EXOC6B: variants seen among roughly 807,000 people sequenced by gnomAD.
EXOC6B encodes the protein SEC15 homolog B.
In EXOC6B, 54 loss-of-function variants were observed where a neutral mutation model predicts 113.5. The observed-to-expected ratio is 0.48, with a 90% CI of 0.38 to 0.60. The LOEUF (loss-of-function observed/expected upper bound fraction) is 0.60, where lower values mean the gene tolerates loss of function less well. Among genes scored for constraint, EXOC6B ranks in the 20% least tolerant of loss-of-function variants. The pLI, the probability that EXOC6B is intolerant of heterozygous loss-of-function variation, is 0.00. For missense variants in EXOC6B, 797 were observed against 977.5 expected (o/e 0.82, Z 2.46); for synonymous variants, 357 against 339.0 (o/e 1.05, Z -0.58).
chr2:72,600,055 T>A (rs572984285), intron 6 of EXOC6B, among the ~76,000 whole-genome samples: 1 of 152,166 alleles, frequency 6.6e-6, no homozygotes, highest in African/African-American at 2.4e-5. Flanking sequence ...CTAAAGTTTG[T>A]ATGGAAAGGC....
At chr2:72,239,016 A>T (rs1413323746) in intron 20 of EXOC6B, among the ~76,000 whole-genome samples, 1 of 152,060 alleles carries the variant, frequency 6.6e-6, no homozygotes, top group East Asian at 1.9e-4. Flanking sequence ...CTCCCACCTC[A>T]GCCTCCTGGG....
intron 18 of EXOC6B, among the ~76,000 whole-genome samples, chr2:72,400,620 A>T (rs1342933516): frequency 4.6e-5 from 7 of 151,994 alleles, no homozygotes; most frequent in Non-Finnish European, 1.0e-4. Flanking sequence ...CCCATTAAAA[A>T]ATCGGCAAAG....
intron 6 of EXOC6B, among the ~76,000 whole-genome samples, chr2:72,697,156 G>T (rs149962621): frequency 2.9e-3 from 278 of 97,512 alleles, no homozygotes; most frequent in African/African-American, 0.01. Context: ...ATAGATATGG[G>T]GTATACACAC....
intron 8 of EXOC6B, among the ~76,000 whole-genome samples, chr2:72,528,486 A>C (rs1164072014): frequency 2.6e-5 from 4 of 152,196 alleles, no homozygotes; most frequent in South Asian, 4.1e-4. Context: ...TCTCCAATTT[A>C]TTCTTCTTTT....
At chr2:72,467,092 T>A (rs1698103839) in intron 17 of EXOC6B, among the ~76,000 whole-genome samples, 1 of 152,206 alleles carries the variant, frequency 6.6e-6, no homozygotes, top group Admixed American at 6.5e-5. Flanking sequence ...ATATTCTTCT[T>A]TCTGTGCCTG....
intron 6 of EXOC6B, among the ~76,000 whole-genome samples, chr2:72,579,362 T>C (rs1481456349): frequency 6.6e-6 from 1 of 152,078 alleles, no homozygotes; most frequent in Non-Finnish European, 1.5e-5. Context: ...TCTTTCAGGA[T>C]AAGAAAAACA....
At chr2:72,394,800 G>A (rs1364922421) in intron 18 of EXOC6B, among the ~76,000 whole-genome samples, 1 of 152,086 alleles carries the variant, frequency 6.6e-6, no homozygotes, top group Admixed American at 6.6e-5. Flanking sequence ...ATTAGTTCCT[G>A]TTTTCTGACC....
intron 1 of EXOC6B, among the ~76,000 whole-genome samples, chr2:72,814,996 A>G (rs1300359489): frequency 6.6e-6 from 1 of 152,240 alleles, no homozygotes; most frequent in African/African-American, 2.4e-5. Flanking sequence ...GTCTCAAAAA[A>G]ATAAAATAAA....
At chr2:72,734,551 C>T (rs1277094341) in intron 2 of EXOC6B, among the ~76,000 whole-genome samples, 4 of 152,234 alleles carry the variant, frequency 2.6e-5, no homozygotes, top group East Asian at 3.9e-4. Context: ...TCAACTCTAC[C>T]TCTGTAGCAG....
intron 18 of EXOC6B, among the ~76,000 whole-genome samples, chr2:72,381,458 G>T (rs1423866292): frequency 1.3e-5 from 2 of 152,124 alleles, no homozygotes; most frequent in South Asian, 4.1e-4. Flanking sequence ...GCAAGAGCAT[G>T]ACTACAGTGT....
chr2:72,637,426 A>T (rs573580005), intron 6 of EXOC6B, among the ~76,000 whole-genome samples: 1 of 152,172 alleles, frequency 6.6e-6, no homozygotes, highest in African/African-American at 2.4e-5. Context: ...ACTTAAACAA[A>T]TTTACAAGAA....
In EXOC6B at chr2:72,379,728, C is replaced by T. The variant is rs769704938; in HGVS notation, c.2122+1G>A. 5 of 1,609,014 alleles carry T rather than the reference C, an allele frequency of 3.1e-6. No individual in the cohort carries two copies. In the African/African-American group the frequency reaches 6.7e-5, roughly 21 times the overall value. ...AAGCACAGGGATGGTCACTGTCTTACGTTCACATTCTCTGACGTCCAAGTT... is the reference window on the plus strand; with the variant it reads ...AAGCACAGGGATGGTCACTGTCTTATGTTCACATTCTCTGACGTCCAAGTT... On this transcript the variant is annotated splice_donor_variant, in intron 19 of 21. Transcript: ENST00000272427. LOFTEE classifies it high-confidence loss of function.
chr2:72,635,071 A>T (rs759662533), intron 6 of EXOC6B, among the ~76,000 whole-genome samples: 10 of 152,164 alleles, frequency 6.6e-5, no homozygotes, highest in Non-Finnish European at 1.2e-4. Flanking sequence ...TAATGCAAGG[A>T]GGAAATTTCT....
intron 1 of EXOC6B, among the ~76,000 whole-genome samples, chr2:72,766,306 G>T (rs1181583512): frequency 2.0e-5 from 3 of 152,100 alleles, no homozygotes; most frequent in African/African-American, 7.2e-5. Flanking sequence ...AGAGGGGAGG[G>T]ACCTTCACTT....
chr2:72,748,294 T>G (rs1456157430), intron 1 of EXOC6B, among the ~76,000 whole-genome samples: 1 of 152,066 alleles, frequency 6.6e-6, no homozygotes, highest in Non-Finnish European at 1.5e-5. Context: ...TTTCTTCTCA[T>G]TAAGCTCCAT....
chr2:72,469,695 G>C (rs189213516), intron 17 of EXOC6B, among the ~76,000 whole-genome samples: 1 of 151,844 alleles, frequency 6.6e-6, no homozygotes, highest in Non-Finnish European at 1.5e-5. Flanking sequence ...AACATGGTGC[G>C]TCTTGGTGAA....
At chr2:72,348,056 T>C (rs1689436160) in intron 19 of EXOC6B, among the ~76,000 whole-genome samples, 1 of 152,190 alleles carries the variant, frequency 6.6e-6, no homozygotes. Flanking sequence ...CAGAAATTTA[T>C]TTCTCATTTC....
chr2:72,642,150 G>A (rs1381152752), intron 6 of EXOC6B, among the ~76,000 whole-genome samples: 1 of 152,078 alleles, frequency 6.6e-6, no homozygotes, highest in African/African-American at 2.4e-5. Context: ...GCAGAGCATG[G>A]GTAGGAAGAA....
intron 19 of EXOC6B, among the ~76,000 whole-genome samples, chr2:72,359,640 A>G (rs1429102784): frequency 2.6e-5 from 4 of 152,216 alleles, no homozygotes; most frequent in Non-Finnish European, 4.4e-5. Context: ...AACAAAAGAG[A>G]AAGTAGAATG....
Sources: gnomAD v4.1 joint callset for allele counts (sites outside exome capture counted in the v4.1 genomes callset) on GRCh38, gnomAD v4.1.1 for gene constraint, MANE v1.5 for transcripts, NCBI Gene and HGNC (gene_info 2026-07-23, HGNC 2026-07-21) for gene names.